CD70: variants seen among roughly 807,000 people sequenced by gnomAD.
CD70 encodes the protein CD70 molecule.
A neutral mutation model predicts 9.0 loss-of-function variants in CD70; 6 were observed. That is an observed-to-expected ratio of 0.67 (90% CI 0.37 to 1.32). The LOEUF is 1.32. Among genes scored for constraint, CD70 ranks in the 40% most tolerant of loss-of-function variants. The probability of loss-of-function intolerance (pLI) is 0.02; values close to 1 mark genes in which losing one functional copy is unlikely to be tolerated. For missense variants in CD70, 235 were observed against 258.7 expected (o/e 0.91, Z 0.63); for synonymous variants, 108 against 112.3 (o/e 0.96, Z 0.24).
At chr19:6,587,229 A>G (rs1484496237) in intron 2 of CD70, among the ~76,000 whole-genome samples, 1 of 151,002 alleles carries the variant, frequency 6.6e-6, no homozygotes, top group African/African-American at 2.4e-5. Context: ...AGTGTGAGAG[A>G]GAGGACGAGA....
downstream of CD70, among the ~76,000 whole-genome samples, chr19:6,582,106 T>C (rs1407102492): frequency 1.3e-5 from 2 of 151,216 alleles, no homozygotes; most frequent in Admixed American, 1.3e-4. Flanking sequence ...CTCGGCTCAC[T>C]GCAACCTCTG....
chr19:6,589,473 T>C (rs1916103303), intron 2 of CD70, among the ~76,000 whole-genome samples: 1 of 151,978 alleles, frequency 6.6e-6, no homozygotes, highest in South Asian at 2.1e-4. Flanking sequence ...CACTGCAACT[T>C]CTGCCTCCCA....
At position 6,590,330 on chromosome 19, in the gene CD70, C is replaced by G. The variant is rs1386591524; in HGVS notation, c.163-194G>C. Among the ~76,000 whole-genome samples, 5 of 152,192 alleles carry G rather than the reference C, an allele frequency of 3.3e-5. No individual in the cohort carries two copies. Among genetic ancestry groups the G allele is most frequent in the Non-Finnish European group, 7.3e-5 (5 of 68,032 alleles). On this transcript the variant is annotated intron_variant, in intron 1 of 2. Transcript: ENST00000245903. This position sits in a 1 kb window ranked among gnomAD's most constrained non-coding sequence, Gnocchi z 5.3. ...TAAAGAGGAAGCAGGTCTGAACCAGCGGGGAACGTGAAGTCGAGACCTTCA... is the reference window on the plus strand; with the variant it reads ...TAAAGAGGAAGCAGGTCTGAACCAGGGGGGAACGTGAAGTCGAGACCTTCA...
intron 2 of CD70, among the ~76,000 whole-genome samples, chr19:6,588,644 C>A (rs1218715592): frequency 6.6e-6 from 1 of 151,662 alleles, no homozygotes; most frequent in Non-Finnish European, 1.5e-5. Context: ...TCAGATACCA[C>A]CCCCCCACCC....
chr19:6,589,170 CCT>C (rs1200873183), intron 2 of CD70, among the ~76,000 whole-genome samples: 1 of 151,224 alleles, frequency 6.6e-6, no homozygotes, highest in African/African-American at 2.4e-5. Context: ...TCTCCCCCGC[CCT>C]GTTTTTCTTC....
rs771567002 is a variant in CD70 at position 6,586,021 on chromosome 19, CA to C, written c.580del (p.Ter194AspfsTer5). The C allele has an allele frequency of 1.2e-5, 20 of 1,604,766 alleles. No individual in the cohort carries two copies. Among genetic ancestry groups the C allele is most frequent in the Non-Finnish European group, 1.4e-5 (17 of 1,172,448 alleles). On this transcript the variant is annotated frameshift_variant and stop_lost, in exon 3 of 3. Coordinates refer to ENST00000245903, the MANE Select transcript of CD70 (RefSeq NM_001252.5). LOFTEE classifies it high-confidence loss of function. Reference sequence around the variant, plus strand: ...AAAAACCCTAATCAGCAGCAGTGGTCAGGGGCGCACCCACTGCACTCCAAAG... The same window carrying C: ...AAAAACCCTAATCAGCAGCAGTGGTCGGGGCGCACCCACTGCACTCCAAAG... ...TFFGVQWVRP[*>X] is the part of the protein sequence containing the mutation.
Position 6,589,993 on chromosome 19 carries a change from CTCTG to C in CD70, c.196+106_196+109del, listed in dbSNP as rs540371270. ...TCTCTCCCTCCCTCTCTCCCTCCGT[CTCTG>C]TCTGTGTCTCTTTCTCTCTGTCTCT... On this transcript the variant is annotated intron_variant, in intron 2 of 2. Transcript: ENST00000245903. 1.1e-4 allele frequency: 90 copies of C among 837,668 alleles called. No individual in the cohort carries two copies. The African/African-American group carries it at 1.1e-3, about 11-fold the overall frequency. The allele number at this position is 837,668 out of a possible 1,614,324, so 51.9% of individuals were successfully genotyped here.
chr19:6,582,185 C>T (rs1007880509), downstream of CD70, among the ~76,000 whole-genome samples: 34 of 144,652 alleles, frequency 2.4e-4, 1 homozygote, highest in South Asian at 4.8e-4. Context: ...CACGCTGCCA[C>T]GCCTGGCTAA....
intron 2 of CD70, among the ~76,000 whole-genome samples, chr19:6,589,753 C>G (rs1308051431): frequency 6.6e-6 from 1 of 151,378 alleles, no homozygotes; most frequent in Non-Finnish European, 1.5e-5. Context: ...GTCTCTCTCC[C>G]TCTCTCTCGT....
At position 6,590,496 on chromosome 19, in the gene CD70, G is replaced by A. The variant is rs1205860526; in HGVS notation, c.162+345C>T. ...CTCCCCCACCCGGAGCGAGTGGCTGGGGCCATCCCGTCCTAGGAGGCCCCA... is the reference window on the plus strand; with the variant it reads ...CTCCCCCACCCGGAGCGAGTGGCTGAGGCCATCCCGTCCTAGGAGGCCCCA... On this transcript the variant is annotated intron_variant, in intron 1 of 2. Transcript: ENST00000245903. The surrounding 1 kb of genome is among the most constrained non-coding windows in gnomAD (Gnocchi z 5.3). Among the ~76,000 whole-genome samples, 1 of 152,122 alleles carries A rather than the reference G, an allele frequency of 6.6e-6. No homozygotes were observed. The highest frequency in any genetic ancestry group is 1.5e-5 in the Non-Finnish European group (1 of 67,986).
Position 6,590,845 on chromosome 19 carries a change from A to G in CD70, c.158T>C (p.Leu53Pro), listed in dbSNP as rs1916141268. 2 of 1,612,470 alleles carry G rather than the reference A, an allele frequency of 1.2e-6. No individual in the cohort carries two copies. Among genetic ancestry groups the G allele is most frequent in the Non-Finnish European group, 1.7e-6 (2 of 1,179,246 alleles). The change falls in exon 1 of 3, where the codon CTT becomes CCT. Residue 53 changes from leucine (L) to proline (P), a missense_variant. Transcript: ENST00000245903. This position sits in a 1 kb window ranked among gnomAD's most constrained non-coding sequence, Gnocchi z 5.3. ...QAQQQLPLES[L>P]GWDVAELQLN... Reference sequence around the variant, plus strand: ...AACTTTTCCATCTCAACTCACCCCAAGTGACTCGAGCGGCAGCTGCTGCTG... The same window carrying G: ...AACTTTTCCATCTCAACTCACCCCAGGTGACTCGAGCGGCAGCTGCTGCTG...
Position 6,590,559 on chromosome 19 carries a change from G to T in CD70, c.162+282C>A, listed in dbSNP as rs916629884. Among the ~76,000 whole-genome samples the T allele has an allele frequency of 6.6e-6, 1 of 152,128 alleles. No individual in the cohort carries two copies. The highest frequency in any genetic ancestry group is 2.4e-5 in the African/African-American group (1 of 41,436). On this transcript the variant is annotated intron_variant, in intron 1 of 2. Coordinates refer to ENST00000245903, the MANE Select transcript of CD70 (RefSeq NM_001252.5). The surrounding 1 kb of genome is among the most constrained non-coding windows in gnomAD (Gnocchi z 5.3). ...GCCCAGCCTTGTGAAGCCCCCAGCA[G>T]CCTCTGAGTCAGCCTGCCGGGGGAA...
intron 2 of CD70, among the ~76,000 whole-genome samples, chr19:6,587,378 G>A (rs1466089226): frequency 6.6e-6 from 1 of 151,956 alleles, no homozygotes; most frequent in African/African-American, 2.4e-5. Flanking sequence ...GAGAGTGCAC[G>A]AGACAGAGTG....
chr19:6,586,537 G>T, intron 2 of CD70, 132 bp from the exon 3 acceptor site: 1 of 1,033,778 alleles, frequency 9.7e-7, no homozygotes, highest in Non-Finnish European at 1.4e-6. Flanking sequence ...GGTGGCTCAT[G>T]CCTGAAATCC....
At chr19:6,586,682 T>C (rs1157948215) in intron 2 of CD70, among the ~76,000 whole-genome samples, 1 of 151,836 alleles carries the variant, frequency 6.6e-6, no homozygotes, top group African/African-American at 2.4e-5. Context: ...CCTCTGGTCC[T>C]GGCTACTCTT....
At chr19:6,585,807 T>G (rs1237233439), downstream of CD70, 12 of 494,344 alleles carry the variant, frequency 2.4e-5, no homozygotes, top group Non-Finnish European at 4.3e-5. Context: ...GCCGAGTAGC[T>G]GGGATTACAG....
downstream of CD70, chr19:6,583,551 GTC>G: frequency 2.5e-5 from 10 of 405,588 alleles, no homozygotes; most frequent in Admixed American, 4.9e-5. Flanking sequence ...GTTAATTGTA[GTC>G]TTTTTTTTTT....
chr19:6,589,254 T>C lies in CD70; in HGVS notation c.196+849A>G, dbSNP rs200240432. On this transcript the variant is annotated intron_variant, in intron 2 of 2. Transcript: ENST00000245903. ...CTTTTCCTCTCTCTGGCTTTCTTTC[T>C]TTTCTTTCTCTTATTTCTTTTTTTC... 1.9e-3 allele frequency among the ~76,000 whole-genome samples: 117 copies of C among 60,620 alleles called. 3 individuals carry two copies. In the East Asian group the frequency reaches 0.36, roughly 186 times the overall value. The allele number at this position is 60,620 out of a possible 152,430, so 39.8% of individuals were successfully genotyped here. A position where few individuals can be genotyped will look rare whatever the true frequency, so the allele number is the denominator to read the frequency against.
At chr19:6,582,297 A>G (rs571770295), downstream of CD70, among the ~76,000 whole-genome samples, 1 of 151,194 alleles carries the variant, frequency 6.6e-6, no homozygotes, top group Admixed American at 6.6e-5. Flanking sequence ...CGGCCTCCCA[A>G]AGTGTTAGGA....
Sources: gnomAD v4.1 joint callset for allele counts (sites outside exome capture counted in the v4.1 genomes callset) on GRCh38, gnomAD v4.1.1 for gene constraint, Gnocchi (gnomAD v3.1) non-coding constraint, MANE v1.5 for transcripts, NCBI Gene and HGNC (gene_info 2026-07-23, HGNC 2026-07-21) for gene names.